AFG2A: variants seen among roughly 807,000 people sequenced by gnomAD.
The protein encoded by AFG2A is AAA ATPase AFG2A.
chr4:123,263,946 A>T, the AFG2A span, among the ~76,000 whole-genome samples: 11 of 152,248 alleles, frequency 7.2e-5, no homozygotes, highest in Admixed American at 6.5e-4. Flanking sequence ...TTACAAAAAT[A>T]TGGAACCAGC....
chr4:123,293,253 C>CA, the AFG2A span, among the ~76,000 whole-genome samples: 1 of 152,184 alleles, frequency 6.6e-6, no homozygotes, highest in Non-Finnish European at 1.5e-5. Flanking sequence ...TCCCCTTCTC[C>CA]AGGTCCCTTC....
chr4:123,083,962 G>T, the AFG2A span, among the ~76,000 whole-genome samples: 2 of 152,012 alleles, frequency 1.3e-5, no homozygotes, highest in Non-Finnish European at 1.5e-5. Context: ...GTTTTGAAAG[G>T]TTATTAATTA....
At chr4:123,020,703 T>G in the AFG2A span, among the ~76,000 whole-genome samples, 1 of 152,210 alleles carries the variant, frequency 6.6e-6, no homozygotes, top group Non-Finnish European at 1.5e-5. Flanking sequence ...CTAAAATTTA[T>G]TTAATTTCTA....
chr4:123,030,026 CAT>C, the AFG2A span, among the ~76,000 whole-genome samples: 1 of 152,154 alleles, frequency 6.6e-6, no homozygotes, highest in Admixed American at 6.5e-5. Context: ...GTCCTTTTAT[CAT>C]GTGGTAATGG....
the AFG2A span, among the ~76,000 whole-genome samples, chr4:123,290,916 G>T: frequency 1.3e-5 from 2 of 152,076 alleles, no homozygotes; most frequent in Non-Finnish European, 2.9e-5. Flanking sequence ...CACTATTATT[G>T]TATTGCTCTC....
At chr4:122,953,379 C>T in the AFG2A span, among the ~76,000 whole-genome samples, 1 of 152,210 alleles carries the variant, frequency 6.6e-6, no homozygotes, top group East Asian at 1.9e-4. Flanking sequence ...ATTTTAGCCC[C>T]TTGGAACCAA....
the AFG2A span, among the ~76,000 whole-genome samples, chr4:123,084,125 T>C: frequency 6.6e-6 from 1 of 152,090 alleles, no homozygotes; most frequent in Admixed American, 6.5e-5. Context: ...AATTATCCTT[T>C]TAATATATAT....
At chr4:123,088,593 GGA>G in the AFG2A span, among the ~76,000 whole-genome samples, 5 of 152,140 alleles carry the variant, frequency 3.3e-5, no homozygotes, top group Non-Finnish European at 7.4e-5. Context: ...GTATGTTGGA[GGA>G]GACTCCTGGT....
chr4:122,951,552 G>T, the AFG2A span, among the ~76,000 whole-genome samples: 2,182 of 152,250 alleles, frequency 0.014, 47 homozygotes, highest in African/African-American at 0.049. Flanking sequence ...AGGGAGAAAT[G>T]TGTACTGGAG....
chr4:123,139,285 G>C, the AFG2A span, among the ~76,000 whole-genome samples: 1 of 151,988 alleles, frequency 6.6e-6, no homozygotes, highest in African/African-American at 2.4e-5. Flanking sequence ...GGTACTCAAA[G>C]GTCATTCAGA....
the AFG2A span, among the ~76,000 whole-genome samples, chr4:123,009,857 T>C: frequency 6.6e-6 from 1 of 152,326 alleles, no homozygotes; most frequent in Admixed American, 6.5e-5. Context: ...CTCCTGGCCC[T>C]TCAGAAATAC....
At chr4:123,115,070 C>T in the AFG2A span, among the ~76,000 whole-genome samples, 2 of 152,172 alleles carry the variant, frequency 1.3e-5, no homozygotes, top group South Asian at 4.1e-4. Context: ...GCTGCTCTCA[C>T]AGTTGCTTCT....
At chr4:122,971,402 G>A in the AFG2A span, among the ~76,000 whole-genome samples, 13 of 152,208 alleles carry the variant, frequency 8.5e-5, no homozygotes, top group South Asian at 2.7e-3. Flanking sequence ...GTGAGACCCT[G>A]TCTCAAAAAA....
the AFG2A span, among the ~76,000 whole-genome samples, chr4:123,135,547 A>G: frequency 6.6e-6 from 1 of 152,218 alleles, no homozygotes; most frequent in Non-Finnish European, 1.5e-5. Context: ...GGATTCAACC[A>G]ACCACAGATT....
chr4:123,133,120 A>G, the AFG2A span, among the ~76,000 whole-genome samples: 1 of 152,186 alleles, frequency 6.6e-6, no homozygotes, highest in Non-Finnish European at 1.5e-5. Context: ...CCTAAATAGC[A>G]GGCAGAGAGG....
the AFG2A span, among the ~76,000 whole-genome samples, chr4:123,278,997 A>T: frequency 6.6e-6 from 1 of 152,178 alleles, no homozygotes; most frequent in East Asian, 1.9e-4. Context: ...TTCTAACGTA[A>T]ATGGCACCAT....
chr4:123,000,163 G>A, the AFG2A span, among the ~76,000 whole-genome samples: 5,911 of 149,462 alleles, frequency 0.04, 374 homozygotes, highest in African/African-American at 0.14. Context: ...TTGTATCCTG[G>A]GACTTTGCTG....
the AFG2A span, among the ~76,000 whole-genome samples, chr4:123,209,734 G>A: frequency 6.6e-6 from 1 of 151,932 alleles, no homozygotes; most frequent in African/African-American, 2.4e-5. Flanking sequence ...CTACCAGCAT[G>A]TGCCCCTGCA....
the AFG2A span, among the ~76,000 whole-genome samples, chr4:123,146,590 A>G: frequency 6.6e-6 from 1 of 152,202 alleles, no homozygotes; most frequent in Non-Finnish European, 1.5e-5. Context: ...TCTGTTTAAT[A>G]ATAGACATCA....
Sources: gnomAD v4.1 joint callset for allele counts (sites outside exome capture counted in the v4.1 genomes callset) on GRCh38, gnomAD v4.1.1 for gene constraint, MANE v1.5 for transcripts, NCBI Gene and HGNC (gene_info 2026-07-23, HGNC 2026-07-21) for gene names.